The following CSGALNACT1 variants were observed in gnomAD, a reference collection of about 807,000 sequenced individuals.
CSGALNACT1 encodes beta4GalNAcT-1.
In CSGALNACT1, 52 loss-of-function variants were observed where a neutral mutation model predicts 51.0. The ratio of observed to expected loss-of-function variants is 1.02; its 90% CI spans 0.82 to 1.29. The LOEUF is 1.29. CSGALNACT1 is among the 50% of genes most tolerant of loss of function. The pLI, the probability that CSGALNACT1 is intolerant of heterozygous loss-of-function variation, is 0.00. For synonymous variants in CSGALNACT1, 341 were observed against 254.4 expected (o/e 1.34, Z -3.24); for missense variants, 935 against 679.2 (o/e 1.38, Z -4.19).
At chr8:19,587,832 A>C (rs747802834) in intron 3 of CSGALNACT1, 2 of 152,140 alleles carry the variant, frequency 1.3e-5, no homozygotes, top group Non-Finnish European at 2.9e-5. Context: ...TTCTTAACAC[A>C]AGTAATAAAC....
intron 6 of CSGALNACT1, among the ~76,000 whole-genome samples, chr8:19,428,229 T>C (rs750216978): frequency 1.3e-5 from 2 of 152,178 alleles, no homozygotes; most frequent in Non-Finnish European, 2.9e-5. Context: ...TCTGTATCAG[T>C]CTGTTTTCAC....
chr8:19,460,509 T>C (rs2065126135), intron 4 of CSGALNACT1, among the ~76,000 whole-genome samples: 1 of 152,138 alleles, frequency 6.6e-6, no homozygotes, highest in Non-Finnish European at 1.5e-5. Flanking sequence ...TGAATGACAG[T>C]ACCATGGATT....
chr8:19,737,971 T>C (rs2064087306), intron 1 of CSGALNACT1, among the ~76,000 whole-genome samples: 2 of 152,214 alleles, frequency 1.3e-5, no homozygotes, highest in South Asian at 4.1e-4. Context: ...TGGGCAGTGG[T>C]GATAGTTGCA....
At chr8:19,447,024 T>G (rs1000293731) in intron 5 of CSGALNACT1, among the ~76,000 whole-genome samples, 2 of 152,184 alleles carry the variant, frequency 1.3e-5, no homozygotes, top group African/African-American at 4.8e-5. Context: ...ATATTTCTGT[T>G]TCCCAAGAGC....
chr8:19,427,012 A>T (rs765799526), intron 6 of CSGALNACT1, among the ~76,000 whole-genome samples: 13 of 152,220 alleles, frequency 8.5e-5, no homozygotes, highest in Non-Finnish European at 1.6e-4. Context: ...GAAATCACTT[A>T]TGAGCTCTAC....
chr8:19,455,887 G>C (rs2063981270), intron 5 of CSGALNACT1, among the ~76,000 whole-genome samples: 1 of 152,128 alleles, frequency 6.6e-6, no homozygotes, highest in East Asian at 1.9e-4. Context: ...CCTGCACCTT[G>C]GTAGCATGTC....
intron 1 of CSGALNACT1, among the ~76,000 whole-genome samples, chr8:19,664,347 G>C (rs527531029): frequency 6.6e-6 from 1 of 152,116 alleles, no homozygotes; most frequent in East Asian, 1.9e-4. Context: ...AGACGTTGGC[G>C]AGGAGGTGCA....
intron 3 of CSGALNACT1, among the ~76,000 whole-genome samples, chr8:19,538,825 C>A (rs1003008883): frequency 4.6e-5 from 7 of 152,100 alleles, no homozygotes; most frequent in African/African-American, 1.7e-4. Flanking sequence ...CTAGATACCC[C>A]TGCCCCCAGA....
At chr8:19,420,827 G>T (rs759718172) in intron 6 of CSGALNACT1, among the ~76,000 whole-genome samples, 1 of 152,120 alleles carries the variant, frequency 6.6e-6, no homozygotes, top group Non-Finnish European at 1.5e-5. Context: ...CTTGAACCAG[G>T]TAAGACTAGA....
At chr8:19,599,339 T>C (rs2049721598) in intron 2 of CSGALNACT1, among the ~76,000 whole-genome samples, 1 of 150,190 alleles carries the variant, frequency 6.7e-6, no homozygotes, top group Non-Finnish European at 1.5e-5. Context: ...GCCGTAAAAA[T>C]TGTGAGCAGA....
intron 1 of CSGALNACT1, among the ~76,000 whole-genome samples, chr8:19,664,987 T>C (rs547068568): frequency 2.6e-4 from 40 of 152,342 alleles, no homozygotes; most frequent in South Asian, 1.4e-3. Context: ...CACTATGTAG[T>C]ACATTCATGT....
Position 19,441,828 on chromosome 8 carries a change from AG to A in CSGALNACT1, c.852-1898del, listed in dbSNP as rs2061373383. On this transcript the variant is annotated intron_variant, in intron 5 of 9. Transcript: ENST00000454498. ...TTTTTGCAACCTACTCATCTGACAA[AG>A]GGCTAATATCCAGAATCTACAATGA... is the stretch of plus-strand genomic sequence containing the variant. Among the ~76,000 whole-genome samples, 4 of 152,280 alleles carry A rather than the reference AG, an allele frequency of 2.6e-5. No homozygotes were observed. In the South Asian group the frequency reaches 8.3e-4, roughly 32 times the overall value.
chr8:19,424,903 A>C (rs975978585), intron 6 of CSGALNACT1, among the ~76,000 whole-genome samples: 5 of 152,370 alleles, frequency 3.3e-5, no homozygotes, highest in African/African-American at 9.6e-5. Context: ...CCAGGCAGGC[A>C]TGCTGCTTTA....
chr8:19,534,028 C>G (rs906286193), intron 3 of CSGALNACT1, among the ~76,000 whole-genome samples: 4 of 152,036 alleles, frequency 2.6e-5, no homozygotes, highest in African/African-American at 9.7e-5. Flanking sequence ...AGAATTTGGT[C>G]TTATTTCCTT....
At chr8:19,683,877 G>A (rs1255606865), upstream of CSGALNACT1, among the ~76,000 whole-genome samples, 1 of 152,066 alleles carries the variant, frequency 6.6e-6, no homozygotes, top group Non-Finnish European at 1.5e-5. Flanking sequence ...ATAAAAATAT[G>A]TAGTAAGGCC....
chr8:19,563,665 C>G (rs1197490544), intron 3 of CSGALNACT1, among the ~76,000 whole-genome samples: 2 of 152,160 alleles, frequency 1.3e-5, no homozygotes, highest in Non-Finnish European at 2.9e-5. Context: ...TACATTGTGA[C>G]TACCATGGTA....
intron 9 of CSGALNACT1, among the ~76,000 whole-genome samples, chr8:19,407,846 C>T (rs979675741): frequency 2.7e-5 from 4 of 145,952 alleles, no homozygotes; most frequent in Admixed American, 6.7e-5. Context: ...GAATTGTGTG[C>T]GCATGTGGGC....
chr8:19,588,004 A>G (rs1389655824), intron 3 of CSGALNACT1: 1 of 152,178 alleles, frequency 6.6e-6, no homozygotes, highest in Non-Finnish European at 1.5e-5. Context: ...CAGCCTGGTC[A>G]ACGTTGCAAA....
intron 3 of CSGALNACT1, among the ~76,000 whole-genome samples, chr8:19,542,042 A>G (rs2085309550): frequency 6.6e-6 from 1 of 152,200 alleles, no homozygotes; most frequent in Admixed American, 6.5e-5. Flanking sequence ...ATCTTATGAT[A>G]AAAAATATTC....
Sources: allele counts gnomAD v4.1 joint callset (sites outside exome capture counted in the v4.1 genomes callset), GRCh38; gene constraint gnomAD v4.1.1; transcripts MANE v1.5; gene names NCBI Gene and HGNC (gene_info 2026-07-23, HGNC 2026-07-21).